The following ARHGAP8 variants were observed in gnomAD, a reference collection of about 807,000 sequenced individuals.
The protein encoded by ARHGAP8 is rho GTPase-activating protein 8.
Under a neutral mutation model 46.1 loss-of-function variants are expected in ARHGAP8, and 62 were observed. The ratio of observed to expected loss-of-function variants is 1.34; its 90% CI spans 1.10 to 1.66. The LOEUF is 1.66. Among genes scored for constraint, ARHGAP8 ranks in the 40% most tolerant of loss-of-function variants. The pLI is 0.00. For missense variants in ARHGAP8, 923 were observed against 568.4 expected, an observed-to-expected ratio of 1.62 and a Z score of -6.34; for synonymous variants, 375 against 243.1, an observed-to-expected ratio of 1.54 and a Z score of -5.05.
chr22:44,779,203 G>A (rs927496985), intron 1 of ARHGAP8, among the ~76,000 whole-genome samples: 4 of 150,434 alleles, frequency 2.7e-5, no homozygotes, highest in South Asian at 4.2e-4. Flanking sequence ...GGGTTCAAGC[G>A]ATTCTCCTGC....
intron 1 of ARHGAP8, among the ~76,000 whole-genome samples, chr22:44,754,348 G>A (rs927264576): frequency 5.0e-5 from 7 of 141,216 alleles, no homozygotes; most frequent in Admixed American, 4.3e-4. Context: ...TTGTGTGTGT[G>A]TGTGTGTGTG....
chr22:44,755,582 T>C (rs1276169899), intron 1 of ARHGAP8, among the ~76,000 whole-genome samples: 4 of 152,160 alleles, frequency 2.6e-5, no homozygotes, highest in East Asian at 1.9e-4. Context: ...AGCGCGCTGC[T>C]CCGGAGTCCT....
At chr22:44,856,614 C>A (rs146015111) in intron 10 of ARHGAP8, among the ~76,000 whole-genome samples, 2 of 115,580 alleles carry the variant, frequency 1.7e-5, no homozygotes, top group African/African-American at 4.2e-5. Context: ...TGGCTGTTCC[C>A]CCAGGCATTT....
intron 2 of ARHGAP8, among the ~76,000 whole-genome samples, chr22:44,798,482 G>T (rs1165605128): frequency 6.6e-6 from 1 of 151,512 alleles, no homozygotes; most frequent in East Asian, 1.9e-4. Flanking sequence ...TAGATCTGCA[G>T]TGACCCTGTT....
chr22:44,780,187 A>T, intron 1 of ARHGAP8, among the ~76,000 whole-genome samples: 1 of 152,178 alleles, frequency 6.6e-6, no homozygotes, highest in East Asian at 1.9e-4. Flanking sequence ...AAAAAAATCT[A>T]ACTTTATAAA....
At chr22:44,860,936 T>C (rs952436059) in intron 11 of ARHGAP8, among the ~76,000 whole-genome samples, 1 of 151,950 alleles carries the variant, frequency 6.6e-6, no homozygotes, top group Non-Finnish European at 1.5e-5. Context: ...TTCTTGGTTT[T>C]ACAACAATTT....
At chr22:44,795,645 C>G (rs575086401) in intron 2 of ARHGAP8, among the ~76,000 whole-genome samples, 1 of 152,264 alleles carries the variant, frequency 6.6e-6, no homozygotes, top group African/African-American at 2.4e-5. Context: ...GGGGAGCCCC[C>G]TGGTTTGGGA....
chr22:44,856,254 C>CTTTTTTT lies in ARHGAP8; in HGVS notation c.878-3448_878-3442dup, dbSNP rs557242169. On this transcript the variant is annotated intron_variant, in intron 10 of 11. Transcript: ENST00000356099. The stretch of plus-strand genomic sequence containing the variant: ...TACTGTCTGGCCAGCTATAAATTCC[C>CTTTTTTT]TTTTTTTTTTTTTTTTTTTTTTTTT... 4.1e-4 allele frequency among the ~76,000 whole-genome samples: 36 copies of CTTTTTTT among 86,878 alleles called. 1 individual carries two copies. The highest frequency in any genetic ancestry group is 1.1e-3 in the African/African-American group (22 of 20,602). 57.0% of individuals were successfully genotyped at this position (86,878 alleles called of 152,430 possible). A position where few individuals can be genotyped will look rare whatever the true frequency, so the allele number is the denominator to read the frequency against.
chr22:44,797,200 A>G (rs1928151594), intron 2 of ARHGAP8, among the ~76,000 whole-genome samples: 1 of 148,378 alleles, frequency 6.7e-6, no homozygotes, highest in East Asian at 2.0e-4. Context: ...GATTCCAGAC[A>G]TGATAATGCT....
chr22:44,764,121 A>T (rs1925369418), intron 1 of ARHGAP8, among the ~76,000 whole-genome samples: 1 of 151,930 alleles, frequency 6.6e-6, no homozygotes, highest in Admixed American at 6.6e-5. Flanking sequence ...CATGATTTTC[A>T]CTGCTATAAG....
At chr22:44,833,222 A>G (rs2147137573) in intron 7 of ARHGAP8, among the ~76,000 whole-genome samples, 1 of 150,890 alleles carries the variant, frequency 6.6e-6, no homozygotes, top group African/African-American at 2.4e-5. Context: ...TCAGCTTCCC[A>G]AGTAGCTGGT....
At chr22:44,817,391 C>T (rs1312706927) in intron 5 of ARHGAP8, among the ~76,000 whole-genome samples, 1 of 152,260 alleles carries the variant, frequency 6.6e-6, no homozygotes, top group Admixed American at 6.5e-5. Flanking sequence ...CGCACACATT[C>T]CCCTATTGGA....
At chr22:44,827,341 T>G (rs1930600098) in intron 7 of ARHGAP8, among the ~76,000 whole-genome samples, 2 of 102,530 alleles carry the variant, frequency 2.0e-5, no homozygotes, top group Non-Finnish European at 1.9e-5. Flanking sequence ...TGGTGGTTTT[T>G]TTTTTTTTTT....
At chr22:44,826,771 G>A (rs1930551770) in intron 7 of ARHGAP8, among the ~76,000 whole-genome samples, 1 of 152,126 alleles carries the variant, frequency 6.6e-6, no homozygotes, top group Non-Finnish European at 1.5e-5. Flanking sequence ...TGAGAACTGA[G>A]GAGGCTCTGG....
At position 44,822,605 on chromosome 22, in the gene ARHGAP8, A is replaced by G. The variant is rs890392569; in HGVS notation, c.485+136A>G. ...TAGATTTGGCTCAGAAATCTGCGGC[A>G]TCGACAAAGATCCGCAGCAAAAGGT... On this transcript the variant is annotated intron_variant, in intron 6 of 11. Coordinates refer to ENST00000356099, the MANE Select transcript of ARHGAP8 (RefSeq NM_181335.3). 2.7e-5 allele frequency: 19 copies of G among 715,176 alleles called. No individual in the cohort carries two copies. In the South Asian group the frequency reaches 4.2e-4, roughly 16 times the overall value. 44.3% of individuals were successfully genotyped at this position (715,176 alleles called of 1,614,324 possible). A position where few individuals can be genotyped will look rare whatever the true frequency, so the allele number is the denominator to read the frequency against.
At chr22:44,760,565 C>A (rs1251354305) in intron 1 of ARHGAP8, among the ~76,000 whole-genome samples, 2 of 152,230 alleles carry the variant, frequency 1.3e-5, no homozygotes, top group Admixed American at 1.3e-4. Context: ...CGAGCTCTTC[C>A]TCTGTATGCC....
chr22:44,839,471 A>G (rs1010050920), intron 7 of ARHGAP8, among the ~76,000 whole-genome samples: 1 of 152,152 alleles, frequency 6.6e-6, no homozygotes, highest in African/African-American at 2.4e-5. Flanking sequence ...AATAAAACTA[A>G]AGCACACTCG....
At chr22:44,822,338 T>C (rs1930211898) in intron 5 of ARHGAP8, 33 bp from the exon 6 acceptor site, 3 of 1,568,856 alleles carry the variant, frequency 1.9e-6, no homozygotes, top group Non-Finnish European at 2.6e-6. Flanking sequence ...TGGCGCCTAA[T>C]CGTTCTTTAT....
Position 44,808,426 on chromosome 22 carries a change from A to T in ARHGAP8, c.287A>T (p.Glu96Val), listed in dbSNP as rs1929087090. Residue 96 changes from glutamate to valine, a missense_variant, in exon 4 of 12, where the codon GAG becomes GTG. Transcript: ENST00000356099. The part of the protein sequence containing the change: ...SLGWLQSAYK[E>V]FDRKYKKNLK... The stretch of plus-strand genomic sequence containing the variant: ...GGCTGGCTCCAGAGCGCATACAAGG[A>T]GTTCGATAGGAAGTACGTGCCCGCA... 1 of 1,613,922 alleles carries T rather than the reference A, an allele frequency of 6.2e-7. No individual in the cohort carries two copies. The highest frequency in any genetic ancestry group is 1.1e-5 in the South Asian group (1 of 91,076).
Sources: gnomAD v4.1 joint callset for allele counts (sites outside exome capture counted in the v4.1 genomes callset) on GRCh38, gnomAD v4.1.1 for gene constraint, MANE v1.5 for transcripts, NCBI Gene and HGNC (gene_info 2026-07-23, HGNC 2026-07-21) for gene names.